The following HDAC8 variants were observed in gnomAD, a reference collection of about 807,000 sequenced individuals.
The protein encoded by HDAC8 is histone deacetylase-like 1.
In HDAC8, 1 loss-of-function variant was observed where a neutral mutation model predicts 32.2. That is an observed-to-expected ratio of 0.03 (90% CI 0.01 to 0.15). The LOEUF (loss-of-function observed/expected upper bound fraction) is 0.15, where lower values mean the gene tolerates loss of function less well. Ranked by LOEUF, HDAC8 falls within the 10% of genes least tolerant of loss-of-function variation. HDAC8 has a pLI of 1.00. For missense variants in HDAC8, 117 were observed against 300.0 expected, an observed-to-expected ratio of 0.39 and a Z score of 4.51; for synonymous variants, 108 against 113.9, an observed-to-expected ratio of 0.95 and a Z score of 0.33.
At chrX:72,408,476 G>A (rs782443435) in intron 9 of HDAC8, among the ~76,000 whole-genome samples, 1 of 111,044 alleles carries the variant, frequency 9.0e-6, no homozygotes, top group Non-Finnish European at 1.9e-5. Context: ...GCACTATCTC[G>A]GCTCACTGCA....
At chrX:72,416,033 T>C (rs146658190) in intron 9 of HDAC8, among the ~76,000 whole-genome samples, 2 of 111,558 alleles carry the variant, frequency 1.8e-5, no homozygotes, top group Admixed American at 1.9e-4. Flanking sequence ...CTCAGGATAA[T>C]ACTAGCTTAA....
intron 4 of HDAC8, among the ~76,000 whole-genome samples, chrX:72,503,107 A>T (rs2049279655): frequency 8.9e-6 from 1 of 111,801 alleles, no homozygotes; most frequent in South Asian, 3.7e-4. Flanking sequence ...TAGCTGTTGT[A>T]AGTCTTTTAT....
chrX:72,479,275 G>C (rs1188455412), intron 7 of HDAC8, among the ~76,000 whole-genome samples: 4 of 111,872 alleles, frequency 3.6e-5, no homozygotes, highest in Admixed American at 2.9e-4. Flanking sequence ...ATGTGGGAGA[G>C]AGAGGATTAG....
chrX:72,493,200 G>T (rs1014699871), intron 5 of HDAC8, among the ~76,000 whole-genome samples: 3 of 111,376 alleles, frequency 2.7e-5, no homozygotes, highest in Non-Finnish European at 5.7e-5. Context: ...GCCATGTCAT[G>T]AATAGTGAGA....
chrX:72,567,019 C>G (rs1351113670), intron 4 of HDAC8, among the ~76,000 whole-genome samples: 1 of 111,938 alleles, frequency 8.9e-6, no homozygotes, highest in African/African-American at 3.2e-5. Context: ...ATGGCGGGTG[C>G]CTGTAATTCC....
At chrX:72,435,580 A>C (rs910494950) in intron 9 of HDAC8, among the ~76,000 whole-genome samples, 5 of 111,803 alleles carry the variant, frequency 4.5e-5, no homozygotes, top group African/African-American at 1.6e-4. Context: ...ATAATGAAAA[A>C]CCAAATGAAA....
intron 4 of HDAC8, among the ~76,000 whole-genome samples, chrX:72,534,617 T>TTTTTAGCA (rs1569380327): frequency 9.0e-6 from 1 of 111,681 alleles, no homozygotes; most frequent in African/African-American, 3.3e-5. Flanking sequence ...CCCCTAGCAA[T>TTTTTAGCA]AAATTTAGCA....
intron 7 of HDAC8, among the ~76,000 whole-genome samples, chrX:72,488,345 C>A (rs1295374847): frequency 2.7e-5 from 3 of 110,657 alleles, no homozygotes; most frequent in Non-Finnish European, 5.7e-5. Context: ...TTTAACACAA[C>A]CCCCCACCCC....
intron 9 of HDAC8, among the ~76,000 whole-genome samples, chrX:72,411,458 ATC>A (rs1555970239): frequency 8.9e-6 from 1 of 112,107 alleles, no homozygotes; most frequent in African/African-American, 3.2e-5. Flanking sequence ...CCTCTGCATC[ATC>A]TGTTTATTGT....
At chrX:72,389,916 G>T (rs1489150420) in intron 9 of HDAC8, among the ~76,000 whole-genome samples, 4 of 111,629 alleles carry the variant, frequency 3.6e-5, no homozygotes, top group African/African-American at 1.3e-4. Context: ...CAGGCTGAGG[G>T]TACCATGGGG....
At chrX:72,368,963 C>A (rs1472681260) in intron 9 of HDAC8, among the ~76,000 whole-genome samples, 1 of 111,943 alleles carries the variant, frequency 8.9e-6, no homozygotes, top group Non-Finnish European at 1.9e-5. Flanking sequence ...TTCGTGACGA[C>A]CTTGGTTCTG....
At chrX:72,536,513 G>A (rs2050529420) in intron 4 of HDAC8, among the ~76,000 whole-genome samples, 1 of 112,259 alleles carries the variant, frequency 8.9e-6, no homozygotes, top group African/African-American at 3.2e-5. Context: ...GCCCCCAATT[G>A]TGATTTAATA....
rs782252516 is a variant in HDAC8, at chrX:72,558,159, A to T, written c.437+9730T>A. 7.1e-5 allele frequency among the ~76,000 whole-genome samples: 8 copies of T among 112,332 alleles called. No homozygotes were observed. In the East Asian group the frequency reaches 2.2e-3, roughly 31 times the overall value. On this transcript the variant is annotated intron_variant, in intron 4 of 10. Transcript: ENST00000373573. The stretch of plus-strand genomic sequence containing the variant: ...AATTCACAGTTGAACTCTATCAGAC[A>T]TTCAAAGAAGAATTGATACCAATCT...
At position 72,329,693 on chromosome X, in the gene HDAC8, C is replaced by T; in HGVS notation, c.*361G>A. 1 of 1,189,366 alleles carries T rather than the reference C, an allele frequency of 8.4e-7. No individual in the cohort carries two copies. The highest frequency in any genetic ancestry group is 3.0e-5 in the East Asian group (1 of 32,812). On this transcript the variant is annotated 3_prime_UTR_variant, in exon 11 of 11. Transcript: ENST00000373573. ...TGCCTCCTGCCCTACAAACTGGTGA[C>T]TGCTCTCATCCAGCTTCTGATCTGT...
chrX:72,427,824 A>C (rs782322546), intron 9 of HDAC8, among the ~76,000 whole-genome samples: 2 of 112,099 alleles, frequency 1.8e-5, no homozygotes, highest in South Asian at 7.6e-4. Flanking sequence ...CATGCAGCCA[A>C]AAAAATGTAG....
intron 9 of HDAC8, among the ~76,000 whole-genome samples, chrX:72,366,588 C>T (rs2044704075): frequency 8.9e-6 from 1 of 112,204 alleles, no homozygotes; most frequent in East Asian, 2.8e-4. Flanking sequence ...GTGTTCTCCT[C>T]AAGGGTGGGA....
chrX:72,525,797 G>C (rs1318553143), intron 4 of HDAC8, among the ~76,000 whole-genome samples: 5 of 71,285 alleles, frequency 7.0e-5, no homozygotes, highest in Non-Finnish European at 9.6e-5. Context: ...CTGGGCAACA[G>C]AGCGAGACTC....
intron 7 of HDAC8, among the ~76,000 whole-genome samples, chrX:72,481,049 A>G (rs1212310317): frequency 1.8e-5 from 2 of 110,280 alleles, no homozygotes; most frequent in Admixed American, 1.9e-4. Flanking sequence ...CTGCACATAT[A>G]TCCTAGAACT....
chrX:72,526,119 A>G (rs2050145689), intron 4 of HDAC8, among the ~76,000 whole-genome samples: 1 of 111,078 alleles, frequency 9.0e-6, no homozygotes, highest in Non-Finnish European at 1.9e-5. Flanking sequence ...CTACCTGAAC[A>G]TGGTATTTAA....
Sources: gnomAD v4.1 joint callset for allele counts (sites outside exome capture counted in the v4.1 genomes callset) on GRCh38, gnomAD v4.1.1 for gene constraint, MANE v1.5 for transcripts, NCBI Gene and HGNC (gene_info 2026-07-23, HGNC 2026-07-21) for gene names.